The following ATAD3B variants were observed in gnomAD, a reference collection of about 807,000 sequenced individuals.
The protein encoded by ATAD3B is ATPase family AAA domain-containing protein 3B.
ATAD3B carries 59 observed loss-of-function variants against 70.2 expected under a neutral mutation model. The observed-to-expected ratio is 0.84, with a 90% CI of 0.68 to 1.04. The LOEUF is 1.04. Among genes scored for constraint, ATAD3B ranks in the 50% least tolerant of loss-of-function variants. ATAD3B has a pLI of 0.00. For missense variants in ATAD3B, 961 were observed against 913.4 expected (o/e 1.05, Z -0.67); for synonymous variants, 423 against 388.6 (o/e 1.09, Z -1.04).
chr1:1,495,485 G>A lies in ATAD3B; in HGVS notation c.1615G>A (p.Ala539Thr). 1 of 1,601,310 alleles carries A rather than the reference G, an allele frequency of 6.2e-7. No individual in the cohort carries two copies. The highest frequency in any genetic ancestry group is 8.5e-7 in the Non-Finnish European group (1 of 1,171,392). Residue 539 changes from alanine to threonine, a missense_variant and splice_region_variant, in exon 16 of 16, where the codon GCC becomes ACC. Ala to Thr is a moderately conservative substitution (Grantham distance 58, BLOSUM62 0). Around this residue, in one of 4 missense-constraint regions of ATAD3B, gnomAD observed 417 missense variants for 335.0 expected, o/e 1.24. Transcript: ENST00000673477. ...EIAQLAVSWQ[A>T]TAYASKDGVL... ...CCTCAGCTCCCTCTCTCTTCACTAG[G>A]CCACGGCATATGCCTCCAAGGACGG...
At chr1:1,472,584 G>A (rs1639387389) in intron 1 of ATAD3B, among the ~76,000 whole-genome samples, 1 of 152,020 alleles carries the variant, frequency 6.6e-6, no homozygotes, top group African/African-American at 2.4e-5. Context: ...TGCACGGCGA[G>A]GTCTGTGAAG....
At chr1:1,507,244 C>T in the ATAD3B span, among the ~76,000 whole-genome samples, 9 of 152,186 alleles carry the variant, frequency 5.9e-5, no homozygotes, top group Non-Finnish European at 1.3e-4. Context: ...AGCATTCTTG[C>T]CTGGTTCCTT....
downstream of ATAD3B, among the ~76,000 whole-genome samples, chr1:1,499,751 A>T (rs1442872566): frequency 1.3e-5 from 2 of 149,078 alleles, no homozygotes; most frequent in Admixed American, 1.3e-4. Flanking sequence ...TGCGCCACCA[A>T]GCCCGGCTAA....
chr1:1,488,758 C>CAA (rs367936786), intron 12 of ATAD3B, among the ~76,000 whole-genome samples: 2 of 145,122 alleles, frequency 1.4e-5, no homozygotes, highest in East Asian at 2.0e-4. Context: ...GACTTCGTCT[C>CAA]AAAAAAAAAA....
chr1:1,481,076 G>A lies in ATAD3B; in HGVS notation c.514+140G>A. The stretch of plus-strand genomic sequence containing the variant: ...GGCGAGGCCTGCTGGGGCTCTGCGG[G>A]GTGGGGCTCCCTCTCGGAAGACACC... On this transcript the variant is annotated intron_variant, in intron 5 of 15. Transcript: ENST00000673477. The A allele has an allele frequency of 2.7e-6, 4 of 1,467,942 alleles. No homozygotes were observed. The South Asian group carries it at 5.3e-5, about 19-fold the overall frequency. The allele number at this position is 1,467,942 out of a possible 1,614,324, so 90.9% of individuals were successfully genotyped here.
At chr1:1,475,674 A>C (rs951654198) in intron 1 of ATAD3B, among the ~76,000 whole-genome samples, 2 of 151,546 alleles carry the variant, frequency 1.3e-5, no homozygotes, top group Non-Finnish European at 2.9e-5. Flanking sequence ...TGCACTCCAC[A>C]GAGGGGGTGC....
rs1640305458 is a variant in ATAD3B at position 1,487,775 on chromosome 1, G to C, written c.1215-88G>C. On this transcript the variant is annotated intron_variant, in intron 11 of 15. Coordinates refer to ENST00000673477, the MANE Select transcript of ATAD3B (RefSeq NM_031921.6). ...AGCCTGACCCCGTGGGGATCTGCCT[G>C]CCTGGCCTGCTCCTGCCGCGGCCGG... 4 of 1,513,466 alleles carry C rather than the reference G, an allele frequency of 2.6e-6. No homozygotes were observed. The Admixed American group carries it at 6.7e-5, about 25-fold the overall frequency. 93.8% of individuals were successfully genotyped at this position (1,513,466 alleles called of 1,614,324 possible).
At chr1:1,485,274 C>T (rs1219311463) in intron 8 of ATAD3B, 103 bp downstream of exon 8, 128 of 1,515,304 alleles carry the variant, frequency 8.4e-5, no homozygotes, top group Middle Eastern at 2.4e-4. Context: ...TCCCTTTCCC[C>T]GGATAACAGG....
In ATAD3B at chr1:1,479,537, ACAC is replaced by A. The variant is rs1181009060; in HGVS notation, c.444+430_444+432del. Among the ~76,000 whole-genome samples the A allele has an allele frequency of 1.0e-3, 128 of 125,148 alleles. 11 individuals carry two copies. The highest frequency in any genetic ancestry group is 3.9e-3 in the African/African-American group (122 of 31,356). The allele number at this position is 125,148 out of a possible 152,430, so 82.1% of individuals were successfully genotyped here. A position where few individuals can be genotyped will look rare whatever the true frequency, so the allele number is the denominator to read the frequency against. On this transcript the variant is annotated intron_variant, in intron 4 of 15. Transcript: ENST00000673477. ...ACACCCGCAAACACACCCCCACACAACACGGGCACGCACACACACACCCCGCCA... is the reference window on the plus strand; with the variant it reads ...ACACCCGCAAACACACCCCCACACAAGGGCACGCACACACACACCCCGCCA...
rs756495698 is a variant in ATAD3B, at chr1:1,495,674, C to A, written c.1804C>A (p.Pro602Thr). 6.2e-7 allele frequency: 1 copy of A among 1,612,902 alleles called. No individual in the cohort carries two copies. Among genetic ancestry groups the A allele is most frequent in the South Asian group, 1.1e-5 (1 of 90,982 alleles). Residue 602 changes from proline (P) to threonine (T), a missense_variant, in exon 16 of 16, where the codon CCC becomes ACC. Pro to Thr is a conservative substitution (Grantham distance 38, BLOSUM62 -1). Around this residue, in one of 4 missense-constraint regions of ATAD3B, gnomAD observed 417 missense variants for 335.0 expected, o/e 1.24. Transcript: ENST00000673477. ...CACCTCATGGAGCCTGGCCACGGAC[C>A]CCTCCTACCCCTGCCTTGCCGGCCC... The part of the protein sequence containing the change: ...TLTSWSLATD[P>T]SYPCLAGPCT...
chr1:1,471,822 G>A lies in ATAD3B; in HGVS notation c.-63G>A, dbSNP rs947942004. 22 of 1,239,098 alleles carry A rather than the reference G, an allele frequency of 1.8e-5. No individual in the cohort carries two copies. In the Admixed American group the frequency reaches 3.7e-4, roughly 21 times the overall value. 76.8% of individuals were successfully genotyped at this position (1,239,098 alleles called of 1,614,324 possible). Reference sequence around the variant, plus strand: ...TCGCGGCGCGTGGAGGCTGCTCCCAGCCGCGCCCGAGTCAGACTCGGGTGG... The same window carrying A: ...TCGCGGCGCGTGGAGGCTGCTCCCAACCGCGCCCGAGTCAGACTCGGGTGG... On this transcript the variant is annotated 5_prime_UTR_variant, in exon 1 of 16. Coordinates refer to ENST00000673477, the MANE Select transcript of ATAD3B (RefSeq NM_031921.6).
rs768532978 is a variant in ATAD3B at position 1,486,139 on chromosome 1, C to T, written c.993C>T (p.Ile331=). Residue 331 remains isoleucine (I), a synonymous_variant, in exon 10 of 16, where the codon ATC becomes ATT. Transcript: ENST00000673477. ...SPSLEARVRD[I]AIATRNTKKN... is the part of the protein sequence containing the mutation. Reference sequence around the variant, plus strand: ...GCCTGGAAGCACGGGTGCGCGACATCGCCATAGCAACCAGGAACACCAAGA... The same window carrying T: ...GCCTGGAAGCACGGGTGCGCGACATTGCCATAGCAACCAGGAACACCAAGA... 4.3e-6 allele frequency: 7 copies of T among 1,613,110 alleles called. No individual in the cohort carries two copies. Among genetic ancestry groups the T allele is most frequent in the Admixed American group, 1.7e-5 (1 of 59,962 alleles).
intron 11 of ATAD3B, among the ~76,000 whole-genome samples, chr1:1,487,580 G>A (rs1002682664): frequency 6.6e-6 from 1 of 151,790 alleles, no homozygotes; most frequent in Non-Finnish European, 1.5e-5. Flanking sequence ...GGAGGCTGTT[G>A]CCCCATGTGT....
intron 11 of ATAD3B, 145 bp downstream of exon 11, chr1:1,486,813 C>T: frequency 6.8e-7 from 1 of 1,474,914 alleles, no homozygotes; most frequent in Non-Finnish European, 9.0e-7. Flanking sequence ...ATGGAGGGTC[C>T]CTCGGAGGGA....
At chr1:1,481,685 G>C (rs974215074) in intron 5 of ATAD3B, among the ~76,000 whole-genome samples, 3 of 142,794 alleles carry the variant, frequency 2.1e-5, no homozygotes, top group Admixed American at 7.1e-5. Flanking sequence ...TCTGTGTGAG[G>C]GGGGCTTCCT....
chr1:1,473,552 A>G (rs1382350823), intron 1 of ATAD3B, among the ~76,000 whole-genome samples: 2 of 144,236 alleles, frequency 1.4e-5, no homozygotes, highest in Non-Finnish European at 3.0e-5. Context: ...CTGGAGTGCA[A>G]TGGCGCCATC....
At chr1:1,508,851 C>T in the ATAD3B span, among the ~76,000 whole-genome samples, 1 of 151,698 alleles carries the variant, frequency 6.6e-6, no homozygotes, top group Admixed American at 6.5e-5. Context: ...CACTATGACC[C>T]GGGGGCACTG....
At chr1:1,487,581 C>A (rs1385265293) in intron 11 of ATAD3B, among the ~76,000 whole-genome samples, 1 of 151,720 alleles carries the variant, frequency 6.6e-6, no homozygotes, top group Admixed American at 6.6e-5. Context: ...GAGGCTGTTG[C>A]CCCATGTGTG....
At chr1:1,479,830 TCA>T (rs1639808594) in intron 4 of ATAD3B, among the ~76,000 whole-genome samples, 1 of 97,614 alleles carries the variant, frequency 1.0e-5, no homozygotes, top group South Asian at 3.6e-4. Context: ...ACATACCCCT[TCA>T]CACAGGCACA....
Sources: gnomAD v4.1 joint callset for allele counts (sites outside exome capture counted in the v4.1 genomes callset) on GRCh38, gnomAD v4.1.1 for gene constraint, gnomAD v4.1.1 regional missense constraint, MANE v1.5 for transcripts, NCBI Gene and HGNC (gene_info 2026-07-23, HGNC 2026-07-21) for gene names.